The following MTDH variants were observed in gnomAD, a reference collection of about 807,000 sequenced individuals.
MTDH encodes protein LYRIC.
In MTDH, 34 loss-of-function variants were observed where a neutral mutation model predicts 72.7. The observed-to-expected ratio is 0.47, with a 90% CI of 0.36 to 0.62. The LOEUF (loss-of-function observed/expected upper bound fraction) is 0.62, where lower values mean the gene tolerates loss of function less well. Among genes scored for constraint, MTDH ranks in the 20% least tolerant of loss-of-function variants. The pLI is 0.00. For missense variants in MTDH, 677 were observed against 699.4 expected (o/e 0.97, Z 0.36); for synonymous variants, 266 against 268.9 (o/e 0.99, Z 0.10).
chr8:97,677,025 A>AAAAAAAAAACAAAAAAAC (rs1812877680), intron 2 of MTDH, among the ~76,000 whole-genome samples: 1 of 139,414 alleles, frequency 7.2e-6, no homozygotes, highest in South Asian at 2.3e-4. Context: ...AAAAAAAAAA[A>AAAAAAAAAACAAAAAAAC]TACAAAAATT....
intron 2 of MTDH, among the ~76,000 whole-genome samples, chr8:97,678,594 CTTTTTTT>C (rs35895126): frequency 1.1e-4 from 9 of 85,324 alleles, no homozygotes; most frequent in South Asian, 5.1e-4. Context: ...TTCCTTCCTT[CTTTTTTT>C]TTTTTTTTTT....
chr8:97,710,649 TC>T (rs1012929943), intron 8 of MTDH, among the ~76,000 whole-genome samples: 3 of 127,124 alleles, frequency 2.4e-5, no homozygotes, highest in Non-Finnish European at 4.7e-5. Context: ...GTGAGGCACT[TC>T]ACTCCAGCCT....
In MTDH at chr8:97,729,553, T is replaced by C. The variant is rs1357904702; in HGVS notation, c.*4883T>C. On this transcript the variant is annotated 3_prime_UTR_variant, in exon 12 of 12. Coordinates refer to ENST00000336273, the MANE Select transcript of MTDH (RefSeq NM_178812.4). Reference sequence around the variant, plus strand: ...ATTGTGTATCTCCTGCACCAAAGCATTTTTGAGATCAAGTGTTCTTCCAGC... The same window carrying C: ...ATTGTGTATCTCCTGCACCAAAGCACTTTTGAGATCAAGTGTTCTTCCAGC... 2.0e-5 allele frequency among the ~76,000 whole-genome samples: 3 copies of C among 152,186 alleles called. No homozygotes were observed. The highest frequency in any genetic ancestry group is 4.4e-5 in the Non-Finnish European group (3 of 68,034).
chr8:97,708,264 CTTTTTTTTTTTTTTTTTTTTTTTT>C (rs71271145), intron 8 of MTDH, among the ~76,000 whole-genome samples: 2 of 32,044 alleles, frequency 6.2e-5, no homozygotes, highest in Admixed American at 5.3e-4. Flanking sequence ...CATGCCAGGC[CTTTTTTTTTTTTTTTTTTTTTTTT>C]TTTTTTTTTT....
At position 97,706,696 on chromosome 8, in the gene MTDH, C is replaced by G. The variant is rs765828128; in HGVS notation, c.1218C>G (p.Asp406Glu). The G allele has an allele frequency of 6.2e-7, 1 of 1,613,680 alleles. No homozygotes were observed. The highest frequency in any genetic ancestry group is 1.7e-5 in the Admixed American group (1 of 59,968). The change falls in exon 8 of 12, where the codon GAC becomes GAG. Residue 406 changes from aspartate (D) to glutamate (E), a missense_variant. Around this residue, in one of 3 missense-constraint regions of MTDH, gnomAD observed 201 missense variants for 204.5 expected, o/e 0.98. Coordinates refer to ENST00000336273, the MANE Select transcript of MTDH (RefSeq NM_178812.4). ...CAGAAGAGTGGGGCAATTGGGTAGA[C>G]GAAGAAAGAGCTTCACTTCTAAAGT... ...APAEEWGNWV[D>E]EERASLLKSQ...
chr8:97,659,272 TC>T (rs1202894924), intron 1 of MTDH, among the ~76,000 whole-genome samples: 3 of 151,126 alleles, frequency 2.0e-5, no homozygotes, highest in Non-Finnish European at 4.4e-5. Flanking sequence ...ACCTCCCTCT[TC>T]CTTCCTTCCC....
intron 2 of MTDH, among the ~76,000 whole-genome samples, chr8:97,665,220 T>C (rs1249784288): frequency 6.6e-6 from 1 of 152,222 alleles, no homozygotes; most frequent in African/African-American, 2.4e-5. Flanking sequence ...ATTGATTACC[T>C]TGCCATATCA....
intron 1 of MTDH, among the ~76,000 whole-genome samples, 190 bp from the exon 2 acceptor site, chr8:97,660,882 T>TA (rs1491013098): frequency 6.2e-5 from 7 of 113,630 alleles, no homozygotes; most frequent in East Asian, 4.4e-4. Flanking sequence ...GCTTATGAAT[T>TA]TTATATATAT....
At chr8:97,646,297 C>G (rs1811561262) in intron 1 of MTDH, among the ~76,000 whole-genome samples, 1 of 152,058 alleles carries the variant, frequency 6.6e-6, no homozygotes, top group East Asian at 1.9e-4. Context: ...ACATATGAAA[C>G]CTGGAAAAGG....
intron 1 of MTDH, among the ~76,000 whole-genome samples, chr8:97,645,668 A>G (rs2130901868): frequency 6.6e-6 from 1 of 152,216 alleles, no homozygotes; most frequent in South Asian, 2.1e-4. Context: ...TCAGGCACCG[A>G]TTTACTGGGC....
At chr8:97,719,800 T>C (rs1483705139) in intron 10 of MTDH, among the ~76,000 whole-genome samples, 6 of 152,174 alleles carry the variant, frequency 3.9e-5, no homozygotes, top group Admixed American at 6.6e-5. Context: ...GGTTTCATTT[T>C]CCCCCAATAT....
At chr8:97,650,805 C>G (rs1236872610) in intron 1 of MTDH, among the ~76,000 whole-genome samples, 3 of 152,186 alleles carry the variant, frequency 2.0e-5, no homozygotes, top group Non-Finnish European at 4.4e-5. Flanking sequence ...TCTTGGCTCT[C>G]TGCAACCTCC....
intron 8 of MTDH, among the ~76,000 whole-genome samples, chr8:97,711,337 T>TAA (rs540690196): frequency 5.5e-4 from 71 of 130,056 alleles, no homozygotes; most frequent in African/African-American, 6.7e-4. Flanking sequence ...TATCTCTAAT[T>TAA]AAAAAAAAAA....
At chr8:97,697,788 A>T (rs1200395766) in intron 6 of MTDH, among the ~76,000 whole-genome samples, 1 of 151,580 alleles carries the variant, frequency 6.6e-6, no homozygotes, top group African/African-American at 2.4e-5. Context: ...AGTTTGCTAA[A>T]CTCTGGTCTC....
At chr8:97,672,717 A>G (rs1349633805) in intron 2 of MTDH, among the ~76,000 whole-genome samples, 1 of 152,196 alleles carries the variant, frequency 6.6e-6, no homozygotes, top group African/African-American at 2.4e-5. Context: ...GGTTTTAAAC[A>G]TGCTTAGATT....
At chr8:97,691,243 T>C (rs1813595730) in intron 6 of MTDH, 55 bp downstream of exon 6, 5 of 1,296,946 alleles carry the variant, frequency 3.9e-6, no homozygotes, top group Non-Finnish European at 5.2e-6. Context: ...CTTGTACATT[T>C]TTAATTTTTC....
intron 2 of MTDH, among the ~76,000 whole-genome samples, chr8:97,662,791 A>AAAAGAAAG (rs544427141): frequency 1.3e-5 from 2 of 151,128 alleles, no homozygotes; most frequent in African/African-American, 4.9e-5. Flanking sequence ...GTCAAAAAAA[A>AAAAGAAAG]AAAGAAAGAA....
intron 7 of MTDH, among the ~76,000 whole-genome samples, chr8:97,703,596 A>G (rs1193363769): frequency 2.0e-5 from 3 of 152,200 alleles, no homozygotes; most frequent in African/African-American, 7.2e-5. Flanking sequence ...ATAGCTTGGT[A>G]TGTGAACCTC....
intron 11 of MTDH, 144 bp from the exon 12 acceptor site, chr8:97,724,456 T>A (rs1482941301): frequency 1.8e-6 from 1 of 561,252 alleles, no homozygotes; most frequent in African/African-American, 1.9e-5. Context: ...ACTTAAAATA[T>A]ATAACGAGGG....
Sources: allele counts gnomAD v4.1 joint callset (sites outside exome capture counted in the v4.1 genomes callset), GRCh38; gene constraint gnomAD v4.1.1; regional missense constraint gnomAD v4.1.1; transcripts MANE v1.5; gene names NCBI Gene and HGNC (gene_info 2026-07-23, HGNC 2026-07-21).